SPATA1: variants seen among roughly 807,000 people sequenced by gnomAD.
SPATA1 encodes spermatogenesis-associated protein 1.
In SPATA1, 57 loss-of-function variants were observed where a neutral mutation model predicts 59.6. The observed-to-expected ratio is 0.96, with a 90% CI of 0.77 to 1.19. The LOEUF (loss-of-function observed/expected upper bound fraction) is 1.19. Among genes scored for constraint, SPATA1 ranks in the 50% most tolerant of loss-of-function variants. The pLI is 0.00. For missense variants in SPATA1, 448 were observed against 480.7 expected, an observed-to-expected ratio of 0.93 and a Z score of 0.64; for synonymous variants, 147 against 163.9, an observed-to-expected ratio of 0.90 and a Z score of 0.79.
chr1:84,551,788 A>G (rs1684280718), intron 12 of SPATA1: 1 of 152,192 alleles, frequency 6.6e-6, no homozygotes, highest in Admixed American at 6.6e-5. Flanking sequence ...CTGTCTATTC[A>G]ATATATGGAG....
chr1:84,552,254 G>A (rs1405257474), intron 12 of SPATA1: 3 of 152,116 alleles, frequency 2.0e-5, no homozygotes, highest in Non-Finnish European at 4.4e-5. Flanking sequence ...CATAAGTAGT[G>A]CTTCTCAAAG....
chr1:84,547,610 T>C (rs910449299), intron 10 of SPATA1, among the ~76,000 whole-genome samples: 1 of 152,134 alleles, frequency 6.6e-6, no homozygotes, highest in Non-Finnish European at 1.5e-5. Context: ...AGAGAAAGTA[T>C]CTCTGAGAAG....
exon 6 of SPATA1, chr1:84,525,938 A>C: frequency 6.2e-7 from 1 of 1,613,692 alleles, no homozygotes; most frequent in South Asian, 1.1e-5. Context: ...GCGGCAGACT[A>C]ATAATGGTGT....
chr1:84,522,271 T>C, intron 3 of SPATA1, 119 bp from the exon 4 acceptor site: 1 of 476,174 alleles, frequency 2.1e-6, no homozygotes, highest in African/African-American at 2.0e-5. Context: ...TATGTTAAGC[T>C]ATATCTGACA....
chr1:84,527,981 T>C (rs1570415794), intron 6 of SPATA1, among the ~76,000 whole-genome samples: 1 of 152,230 alleles, frequency 6.6e-6, no homozygotes, highest in East Asian at 1.9e-4. Flanking sequence ...TCCACCCACC[T>C]TGGCCTCTCA....
At chr1:84,545,501 G>C in intron 9 of SPATA1, 133 bp from the exon 10 acceptor site, 1 of 1,008,106 alleles carries the variant, frequency 9.9e-7, no homozygotes, top group Non-Finnish European at 1.4e-6. Context: ...CTATACTGTA[G>C]CAAGAAAAAC....
At chr1:84,545,413 C>A (rs1684056100) in intron 9 of SPATA1, among the ~76,000 whole-genome samples, 1 of 151,910 alleles carries the variant, frequency 6.6e-6, no homozygotes, top group Non-Finnish European at 1.5e-5. Flanking sequence ...GCAGAAAAAA[C>A]ACACTATTTT....
At chr1:84,563,818 T>G in intron 4 of SPATA1, 1 of 1,607,136 alleles carries the variant, frequency 6.2e-7, no homozygotes, top group Non-Finnish European at 8.5e-7. Flanking sequence ...CTCATCTTGA[T>G]GTAGTCATTA....
chr1:84,544,440 G>A, intron 9 of SPATA1, 136 bp downstream of exon 9: 1 of 657,446 alleles, frequency 1.5e-6, no homozygotes, highest in Non-Finnish European at 2.6e-6. Flanking sequence ...TGGTGGTGAT[G>A]GTTTCACAAC....
At chr1:84,516,961 C>G (rs1682816436) in intron 2 of SPATA1, among the ~76,000 whole-genome samples, 1 of 152,136 alleles carries the variant, frequency 6.6e-6, no homozygotes, top group Admixed American at 6.5e-5. Flanking sequence ...CTCTTCTAAA[C>G]AAGTATGTCA....
Position 84,522,289 on chromosome 1 carries a change from T to C in SPATA1, c.144-101T>C, listed in dbSNP as rs557668845. The C allele has an allele frequency of 1.2e-5, 7 of 595,512 alleles. No homozygotes were observed. In the East Asian group the frequency reaches 2.3e-4, roughly 20 times the overall value. The allele number at this position is 595,512 out of a possible 1,614,324, so 36.9% of individuals were successfully genotyped here. A position where few individuals can be genotyped will look rare whatever the true frequency, so the allele number is the denominator to read the frequency against. ...GTTAAGCTATATCTGACACATTAAA[T>C]CAACCTTTGTGTTTGAGATAGCTGA... On this transcript the variant is annotated intron_variant, in intron 3 of 12. Transcript: ENST00000490879.
At chr1:84,545,807 T>G (rs757041718) in intron 10 of SPATA1, 48 bp downstream of exon 10, 8 of 1,299,196 alleles carry the variant, frequency 6.2e-6, no homozygotes, top group Non-Finnish European at 6.0e-6. Context: ...AACTTAAGTT[T>G]TACAGAATTG....
chr1:84,548,750 CTTTTTT>C (rs56250726), intron 10 of SPATA1, 30 bp from the exon 11 acceptor site: 2,144 of 913,838 alleles, frequency 2.3e-3, no homozygotes, highest in African/African-American at 5.1e-3. Flanking sequence ...AAGGCCTTTC[CTTTTTT>C]TTTTTTTTTT....
At chr1:84,558,450 C>T (rs1449340685), downstream of SPATA1, among the ~76,000 whole-genome samples, 2 of 151,438 alleles carry the variant, frequency 1.3e-5, no homozygotes, top group African/African-American at 2.4e-5. Flanking sequence ...CCACTACGCC[C>T]GGCTAATTTT....
chr1:84,552,593 G>C (rs1182463060), intron 12 of SPATA1: 1 of 152,616 alleles, frequency 6.6e-6, no homozygotes, highest in Non-Finnish European at 1.5e-5. Flanking sequence ...ACTTAGAAGA[G>C]TGCTTGCCAC....
intron 4 of SPATA1, among the ~76,000 whole-genome samples, chr1:84,525,211 C>A (rs1683168448): frequency 6.6e-6 from 1 of 152,204 alleles, no homozygotes; most frequent in Non-Finnish European, 1.5e-5. Flanking sequence ...AAGTAATCTG[C>A]CCAACTTGGC....
At chr1:84,562,319 G>T (rs1340904183) in intron 4 of SPATA1, among the ~76,000 whole-genome samples, 1 of 152,114 alleles carries the variant, frequency 6.6e-6, no homozygotes, top group African/African-American at 2.4e-5. Context: ...GGAAAGATAA[G>T]ATTACAATAC....
intron 1 of SPATA1, among the ~76,000 whole-genome samples, chr1:84,508,000 G>A (rs1231174050): frequency 6.6e-6 from 1 of 152,156 alleles, no homozygotes; most frequent in African/African-American, 2.4e-5. Flanking sequence ...AAAACATTGA[G>A]GCCTGGTATG....
At chr1:84,548,749 CCTTTTTTTTTTTTTTT>C in intron 10 of SPATA1, 21 bp from the exon 11 acceptor site, 1 of 994,914 alleles carries the variant, frequency 1.0e-6, no homozygotes, top group Non-Finnish European at 1.3e-6. Context: ...GAAGGCCTTT[CCTTTTTTTTTTTTTTT>C]TTTTTTTTTT....
Sources: gnomAD v4.1 joint callset for allele counts (sites outside exome capture counted in the v4.1 genomes callset) on GRCh38, gnomAD v4.1.1 for gene constraint, MANE v1.5 for transcripts, NCBI Gene and HGNC (gene_info 2026-07-23, HGNC 2026-07-21) for gene names.